Variants in MRTFA observed in about 807,000 individuals in gnomAD.
MRTFA encodes the protein myocardin related transcription factor A.
A neutral mutation model predicts 83.5 loss-of-function variants in MRTFA; 20 were observed. That is an observed-to-expected ratio of 0.24 (90% CI 0.17 to 0.35). MRTFA has a LOEUF of 0.35. Among genes scored for constraint, MRTFA ranks in the 10% least tolerant of loss-of-function variants. The pLI is 1.00. For synonymous variants in MRTFA, 659 were observed against 541.2 expected (o/e 1.22, Z -3.02); for missense variants, 1,200 against 1,224.7 (o/e 0.98, Z 0.30).
At chr22:40,569,008 T>C (rs2055745617) in intron 2 of MRTFA, among the ~76,000 whole-genome samples, 1 of 152,120 alleles carries the variant, frequency 6.6e-6, no homozygotes, top group Non-Finnish European at 1.5e-5. Flanking sequence ...CACCTGAATG[T>C]AATAACTCAG....
intron 2 of MRTFA, among the ~76,000 whole-genome samples, chr22:40,563,691 C>T (rs1484950146): frequency 6.6e-6 from 1 of 152,114 alleles, no homozygotes; most frequent in Non-Finnish European, 1.5e-5. Flanking sequence ...ATATTGACTA[C>T]CCACTACATG....
chr22:40,502,814 G>T (rs1042844223), intron 3 of MRTFA, among the ~76,000 whole-genome samples: 3 of 152,122 alleles, frequency 2.0e-5, no homozygotes, highest in African/African-American at 7.2e-5. Flanking sequence ...GCTGCCCGCT[G>T]AACTCCATCC....
At chr22:40,594,362 C>A (rs1354372854) in intron 2 of MRTFA, among the ~76,000 whole-genome samples, 1 of 152,110 alleles carries the variant, frequency 6.6e-6, no homozygotes, top group Non-Finnish European at 1.5e-5. Flanking sequence ...CCCTCAAGGA[C>A]TGGATTAAAG....
rs536592613 is a variant in MRTFA at position 40,576,931 on chromosome 22, A to C, written c.-22+17743T>G. The stretch of plus-strand genomic sequence containing the variant: ...CACTCATCTCTATAAAATTTTCAAA[A>C]TTAACTGGAGGCAGTGGCTCACGCC... On this transcript the variant is annotated intron_variant, in intron 2 of 14. Coordinates refer to ENST00000355630, the MANE Select transcript of MRTFA (RefSeq NM_020831.6). Among the ~76,000 whole-genome samples, 3 of 152,240 alleles carry C rather than the reference A, an allele frequency of 2.0e-5. No homozygotes were observed. In the East Asian group the frequency reaches 5.8e-4, roughly 29 times the overall value.
At chr22:40,417,738 C>A (rs2052716508) in intron 12 of MRTFA, 1 of 507,366 alleles carries the variant, frequency 2.0e-6, no homozygotes, top group Non-Finnish European at 3.5e-6. Context: ...CTGGGCTGGG[C>A]TGGTCACCCC....
chr22:40,592,483 T>G (rs1272352071), intron 2 of MRTFA, among the ~76,000 whole-genome samples: 2 of 147,822 alleles, frequency 1.4e-5, no homozygotes, highest in Non-Finnish European at 3.0e-5. Flanking sequence ...CTGTGGACAT[T>G]TTTTTTTTCT....
chr22:40,503,001 C>G (rs976813889), intron 3 of MRTFA, among the ~76,000 whole-genome samples: 3 of 152,194 alleles, frequency 2.0e-5, no homozygotes, highest in African/African-American at 4.8e-5. Context: ...CCCCAATACA[C>G]CCACACACCC....
intron 1 of MRTFA, among the ~76,000 whole-genome samples, chr22:40,623,624 T>C (rs2147439239): frequency 6.6e-6 from 1 of 152,338 alleles, no homozygotes; most frequent in South Asian, 2.1e-4. Context: ...AAGACAGATA[T>C]GCTCCCTGGC....
intron 12 of MRTFA, 102 bp from the exon 13 acceptor site, chr22:40,417,595 C>G: frequency 2.7e-6 from 2 of 754,072 alleles, no homozygotes; most frequent in South Asian, 3.7e-5. Flanking sequence ...GCCTCTCACA[C>G]TCTAGGAGGG....
intron 10 of MRTFA, 70 bp downstream of exon 10, chr22:40,420,777 G>C (rs956234061): frequency 3.8e-6 from 6 of 1,596,598 alleles, no homozygotes; most frequent in African/African-American, 1.3e-5. Flanking sequence ...ACCCCCACCA[G>C]ACCTGGCACC....
intron 3 of MRTFA, among the ~76,000 whole-genome samples, chr22:40,510,768 C>A (rs1013869294): frequency 1.2e-4 from 19 of 152,008 alleles, no homozygotes; most frequent in African/African-American, 4.4e-4. Context: ...GCAGAAGGGG[C>A]ACCGAAGTTT....
At chr22:40,524,608 ACAGTTTAATGAGATGGAGTGCCTCCTTAT>A (rs2054930693) in intron 3 of MRTFA, among the ~76,000 whole-genome samples, 1 of 152,212 alleles carries the variant, frequency 6.6e-6, no homozygotes, top group Non-Finnish European at 1.5e-5. Flanking sequence ...GTCAGAGGGA[ACAGTTTAATGAGATGGAGTGCCTCCTTAT>A]CATGCAGTAT....
intron 2 of MRTFA, among the ~76,000 whole-genome samples, chr22:40,564,631 G>T (rs2055675348): frequency 6.6e-6 from 1 of 152,034 alleles, no homozygotes; most frequent in Admixed American, 6.6e-5. Context: ...CAATAATGCT[G>T]TAACTTTATT....
chr22:40,502,761 G>T (rs537370569), intron 3 of MRTFA, among the ~76,000 whole-genome samples: 1 of 151,704 alleles, frequency 6.6e-6, no homozygotes, highest in Non-Finnish European at 1.5e-5. Context: ...GCTGCCTCCC[G>T]GGCGGCGCTC....
intron 1 of MRTFA, among the ~76,000 whole-genome samples, chr22:40,620,111 C>T (rs1395468406): frequency 6.7e-6 from 1 of 150,078 alleles, no homozygotes; most frequent in African/African-American, 2.5e-5. Flanking sequence ...ACGCATACCA[C>T]CACACCCAGC....
At chr22:40,419,478 G>T (rs762785011) in intron 11 of MRTFA, 94 bp from the exon 12 acceptor site, 1 of 1,134,960 alleles carries the variant, frequency 8.8e-7, no homozygotes, top group Non-Finnish European at 1.3e-6. Context: ...ATGGGCCACT[G>T]CAGATGCATC....
At position 40,418,425 on chromosome 22, in the gene MRTFA, C is replaced by A. The variant is rs764612824; in HGVS notation, c.2313G>T (p.Val771=). Residue 771 remains valine (V), a synonymous_variant, in exon 12 of 15, where the codon GTG becomes GTT. Transcript: ENST00000355630. Reference sequence around the variant, plus strand: ...CAGGGCTGTCTGCATTCTTATTGGTCACGGTGAGGACAAGGTGGGTCCCTG... The same window carrying A: ...CAGGGCTGTCTGCATTCTTATTGGTAACGGTGAGGACAAGGTGGGTCCCTG... 1 of 1,614,060 alleles carries A rather than the reference C, an allele frequency of 6.2e-7. No homozygotes were observed. The highest frequency in any genetic ancestry group is 8.5e-7 in the Non-Finnish European group (1 of 1,179,958).
At chr22:40,417,069 A>T in intron 13 of MRTFA, 23 bp from the exon 14 acceptor site, 2 of 1,563,070 alleles carry the variant, frequency 1.3e-6, no homozygotes, top group Non-Finnish European at 1.7e-6. Flanking sequence ...GGAAAAAAAA[A>T]AAAGAGATAA....
intron 4 of MRTFA, among the ~76,000 whole-genome samples, chr22:40,444,307 C>T (rs938392759): frequency 1.3e-5 from 2 of 152,072 alleles, no homozygotes; most frequent in Non-Finnish European, 2.9e-5. Context: ...CCCCAGGAGC[C>T]TGTGAGACTT....
Sources: allele counts gnomAD v4.1 joint callset (sites outside exome capture counted in the v4.1 genomes callset), GRCh38; gene constraint gnomAD v4.1.1; transcripts MANE v1.5; gene names NCBI Gene and HGNC (gene_info 2026-07-23, HGNC 2026-07-21).